The following ASAP2 variants were observed in gnomAD, a reference collection of about 807,000 sequenced individuals.
ASAP2 encodes ArfGAP with SH3 domain, ankyrin repeat and PH domain 2.
ASAP2 carries 45 observed loss-of-function variants against 131.4 expected under a neutral mutation model. The ratio of observed to expected loss-of-function variants is 0.34; its 90% CI spans 0.27 to 0.44. ASAP2 has a LOEUF of 0.44. ASAP2 is among the 20% of genes least tolerant of loss of function. ASAP2 has a pLI of 1.00. For missense variants in ASAP2, 1,011 were observed against 1,297.0 expected (o/e 0.78, Z 3.39); for synonymous variants, 510 against 503.0 (o/e 1.01, Z -0.19).
At chr2:9,212,572 C>G (rs944398587) in intron 1 of ASAP2, among the ~76,000 whole-genome samples, 2 of 151,952 alleles carry the variant, frequency 1.3e-5, no homozygotes, top group Non-Finnish European at 2.9e-5. Flanking sequence ...GAGGGCTGCT[C>G]AGACCAAGAA....
intron 15 of ASAP2, among the ~76,000 whole-genome samples, chr2:9,365,058 G>A (rs2715872): frequency 0.1 from 15,634 of 152,134 alleles, 2,250 homozygotes; most frequent in African/African-American, 0.32. Flanking sequence ...ACCAAAGCAT[G>A]TACTTACTTA....
rs370099908 is a variant in ASAP2, at chr2:9,393,626, C to A, written c.2663C>A (p.Pro888Gln). 2 of 1,583,956 alleles carry A rather than the reference C, an allele frequency of 1.3e-6. No individual in the cohort carries two copies. The change falls in exon 24 of 28, where the codon CCG (proline) becomes CAG (glutamine). Residue 888 changes from proline to glutamine, a missense_variant. Coordinates refer to ENST00000281419, the MANE Select transcript of ASAP2 (RefSeq NM_003887.3). Reference sequence around the variant, plus strand: ...CCCCCACAGCCGCCCAGCCGCCTCCCGCAGAAGAAGCCTGCGCCGGGGTAA... The same window carrying A: ...CCCCCACAGCCGCCCAGCCGCCTCCAGCAGAAGAAGCCTGCGCCGGGGTAA... Reference protein sequence around the residue: ...PLPPQPPSRLPQKKPAPGADK... With the variant: ...PLPPQPPSRLQQKKPAPGADK...
At position 9,393,711 on chromosome 2, in the gene ASAP2, C is replaced by T. The variant is rs577473031; in HGVS notation, c.2684+64C>T. The T allele has an allele frequency of 4.5e-4, 665 of 1,469,798 alleles. 4 individuals carry two copies. The African/African-American group carries it at 6.4e-3, about 14-fold the overall frequency. 91.0% of individuals were successfully genotyped at this position (1,469,798 alleles called of 1,614,324 possible). On this transcript the variant is annotated intron_variant, in intron 24 of 27. Transcript: ENST00000281419. ...GCCCTCTGACCTCACCTGCCCAGGGCTCTGCAGGAATGTTTGCAATCCCCA... is the reference window on the plus strand; with the variant it reads ...GCCCTCTGACCTCACCTGCCCAGGGTTCTGCAGGAATGTTTGCAATCCCCA...
At chr2:9,304,443 G>A (rs1474011515) in intron 3 of ASAP2, among the ~76,000 whole-genome samples, 1 of 151,252 alleles carries the variant, frequency 6.6e-6, no homozygotes, top group Non-Finnish European at 1.5e-5. Flanking sequence ...TGTAGATAGG[G>A]GGTGGAAGGG....
chr2:9,340,607 A>G (rs577088480), intron 9 of ASAP2, among the ~76,000 whole-genome samples: 12 of 152,320 alleles, frequency 7.9e-5, no homozygotes, highest in African/African-American at 2.6e-4. Flanking sequence ...GGGGGAATGA[A>G]TTGGACATCA....
chr2:9,388,820 G>A (rs1359666759), intron 22 of ASAP2, among the ~76,000 whole-genome samples: 1 of 152,158 alleles, frequency 6.6e-6, no homozygotes, highest in Non-Finnish European at 1.5e-5. Context: ...TGGCCAACTG[G>A]GCTCCCGGGG....
intron 11 of ASAP2, chr2:9,350,470 CAG>C (rs1672256699): frequency 4.9e-6 from 1 of 202,502 alleles, no homozygotes; most frequent in Non-Finnish European, 9.9e-6. Flanking sequence ...CGGTAGGAAT[CAG>C]AACTGAATGT....
chr2:9,323,627 A>G (rs1670295239), intron 6 of ASAP2, among the ~76,000 whole-genome samples: 1 of 152,160 alleles, frequency 6.6e-6, no homozygotes, highest in Admixed American at 6.5e-5. Context: ...TCAGCTGAAA[A>G]CAACATACAG....
intron 1 of ASAP2, among the ~76,000 whole-genome samples, chr2:9,221,919 G>A (rs966646540): frequency 4.6e-5 from 7 of 151,764 alleles, no homozygotes; most frequent in African/African-American, 1.5e-4. Flanking sequence ...TCAGCCTCCC[G>A]AGTAGCTGGG....
intron 21 of ASAP2, among the ~76,000 whole-genome samples, chr2:9,386,831 T>G (rs1675292874): frequency 6.6e-6 from 1 of 152,208 alleles, no homozygotes. Context: ...CAATCATACC[T>G]AGTTTAATGA....
At chr2:9,309,144 G>A (rs180954041) in intron 3 of ASAP2, among the ~76,000 whole-genome samples, 9 of 152,266 alleles carry the variant, frequency 5.9e-5, no homozygotes, top group African/African-American at 2.2e-4. Context: ...GACACTATTT[G>A]AAAGAGTCTC....
In ASAP2 at chr2:9,232,777, A is replaced by G. The variant is rs1663262319; in HGVS notation, c.126+25547A>G. ...GCCGGAGCTCTGGTGTCATTGGTTC[A>G]TAGAAAGCTTGTTTCTCTGGCCATG... On this transcript the variant is annotated intron_variant, in intron 1 of 27. Transcript: ENST00000281419. This position sits in a 1 kb window ranked among gnomAD's most constrained non-coding sequence, Gnocchi z 4.1. Among the ~76,000 whole-genome samples, 1 of 152,222 alleles carries G rather than the reference A, an allele frequency of 6.6e-6. No homozygotes were observed. The highest frequency in any genetic ancestry group is 2.1e-4 in the South Asian group (1 of 4,830).
chr2:9,293,145 C>T (rs1363356858), intron 2 of ASAP2, among the ~76,000 whole-genome samples: 1 of 152,194 alleles, frequency 6.6e-6, no homozygotes. Context: ...AAAACCTAGT[C>T]ATTGCCTCTA....
chr2:9,243,942 T>C (rs182948274), intron 1 of ASAP2, among the ~76,000 whole-genome samples: 1 of 152,326 alleles, frequency 6.6e-6, no homozygotes, highest in Non-Finnish European at 1.5e-5. Flanking sequence ...ATGAAATATG[T>C]ATATGAAGTT....
At chr2:9,399,256 T>A (rs1471489786) in intron 24 of ASAP2, 1 of 152,554 alleles carries the variant, frequency 6.6e-6, no homozygotes, top group African/African-American at 2.4e-5. Flanking sequence ...CTGGTCTTCC[T>A]CTTCTGCTTC....
intron 1 of ASAP2, chr2:9,271,606 T>G: frequency 8.0e-7 from 1 of 1,242,456 alleles, no homozygotes; most frequent in South Asian, 1.3e-5. Flanking sequence ...GTTTAAATAG[T>G]GGAGGTTCTG....
In ASAP2 at chr2:9,217,755, C is replaced by T. The variant is rs1662153198; in HGVS notation, c.126+10525C>T. Among the ~76,000 whole-genome samples the T allele has an allele frequency of 6.6e-6, 1 of 151,962 alleles. No individual in the cohort carries two copies. On this transcript the variant is annotated intron_variant, in intron 1 of 27. Coordinates refer to ENST00000281419, the MANE Select transcript of ASAP2 (RefSeq NM_003887.3). This position sits in a 1 kb window ranked among gnomAD's most constrained non-coding sequence, Gnocchi z 4.0. ...TCCGCCTCCCGAGTAGCTGGGACTACAGGCGCCTGCCACCACGCCCGGCTA... is the reference window on the plus strand; with the variant it reads ...TCCGCCTCCCGAGTAGCTGGGACTATAGGCGCCTGCCACCACGCCCGGCTA...
chr2:9,325,896 A>G (rs1364145246), intron 6 of ASAP2, among the ~76,000 whole-genome samples: 1 of 152,234 alleles, frequency 6.6e-6, no homozygotes, highest in East Asian at 1.9e-4. Context: ...ATGCATGCAT[A>G]AAAGCAGAGG....
At chr2:9,378,833 C>T (rs915345604) in intron 18 of ASAP2, 111 bp from the exon 19 acceptor site, 12 of 651,814 alleles carry the variant, frequency 1.8e-5, no homozygotes, top group African/African-American at 1.3e-4. Context: ...ACCGTTCACT[C>T]GGGGACTGTC....
Sources: allele counts gnomAD v4.1 joint callset (sites outside exome capture counted in the v4.1 genomes callset), GRCh38; gene constraint gnomAD v4.1.1; non-coding constraint Gnocchi (gnomAD v3.1); transcripts MANE v1.5; gene names NCBI Gene and HGNC (gene_info 2026-07-23, HGNC 2026-07-21).